Variants in ITGB4 observed in about 807,000 individuals in gnomAD.
The protein encoded by ITGB4 is integrin beta-4.
A neutral mutation model predicts 207.6 loss-of-function variants in ITGB4; 159 were observed. The observed-to-expected ratio is 0.77, with a 90% CI of 0.67 to 0.87. ITGB4 has a LOEUF of 0.87. Among genes scored for constraint, ITGB4 ranks in the 40% least tolerant of loss-of-function variants. The probability of loss-of-function intolerance (pLI) is 0.00; values close to 1 mark genes in which losing one functional copy is unlikely to be tolerated. For missense variants in ITGB4, 2,278 were observed against 2,546.8 expected (o/e 0.89, Z 2.27); for synonymous variants, 1,020 against 1,062.7 (o/e 0.96, Z 0.78).
At position 75,727,585 on chromosome 17, in the gene ITGB4, G is replaced by A. The variant is rs1444349892; in HGVS notation, c.265-66G>A. 30 of 1,583,014 alleles carry A rather than the reference G, an allele frequency of 1.9e-5. No homozygotes were observed. Among genetic ancestry groups the A allele is most frequent in the East Asian group, 9.2e-5 (4 of 43,598 alleles). ...TGGGGGTGTATAGTGCCCCTTGGCC[G>A]GGCTGGGCCCCCATCGGGCCTCCGG... On this transcript the variant is annotated intron_variant, in intron 4 of 39. Transcript: ENST00000200181. The surrounding 1 kb of genome is among the most constrained non-coding windows in gnomAD (Gnocchi z 6.0).
intron 34 of ITGB4, 100 bp downstream of exon 34, chr17:75,754,915 C>T: frequency 3.2e-6 from 5 of 1,571,194 alleles, no homozygotes; most frequent in Non-Finnish European, 4.4e-6. Context: ...CGCCCATTCT[C>T]CAACATACAC....
At position 75,730,969 on chromosome 17, in the gene ITGB4, G is replaced by A; in HGVS notation, c.1092+5G>A. The A allele has an allele frequency of 1.2e-6, 2 of 1,610,950 alleles. No homozygotes were observed. Among genetic ancestry groups the A allele is most frequent in the Admixed American group, 3.3e-5 (2 of 60,022 alleles). ...CTGCTGGAGGAGGCCTTCAATGTGAGGGCAGCTCAGGCTCCAGAGTCTGAG... is the reference window on the plus strand; with the variant it reads ...CTGCTGGAGGAGGCCTTCAATGTGAAGGCAGCTCAGGCTCCAGAGTCTGAG... On this transcript the variant is annotated splice_donor_5th_base_variant and intron_variant, in intron 9 of 39. Coordinates refer to ENST00000200181, the MANE Select transcript of ITGB4 (RefSeq NM_000213.5).
At position 75,757,646 on chromosome 17, in the gene ITGB4, T is replaced by A. The variant is rs767702998; in HGVS notation, c.*91T>A. ...CTCAGCTACTCCATCCTTGCACCCC[T>A]GGGGGCCCAGCCCACCCGCATGCAC... On this transcript the variant is annotated 3_prime_UTR_variant, in exon 40 of 40. Coordinates refer to ENST00000200181, the MANE Select transcript of ITGB4 (RefSeq NM_000213.5). The A allele has an allele frequency of 3.2e-6, 5 of 1,565,988 alleles. No individual in the cohort carries two copies. In the South Asian group the frequency reaches 5.6e-5, roughly 17 times the overall value.
At position 75,743,721 on chromosome 17, in the gene ITGB4, G is replaced by A. The variant is rs772928070; in HGVS notation, c.2971G>A (p.Val991Met). ...GCCCGGGCTCCTTGCAGCCAGAGAC[G>A]TGGTGTCCTTTGAGCAGCCTGAGTT... Reference protein sequence around the residue: ...ITIIKEQARDVVSFEQPEFSV... With the variant: ...ITIIKEQARDMVSFEQPEFSV... The change falls in exon 26 of 40, where the codon GTG (valine) becomes ATG (methionine). Residue 991 changes from valine to methionine, a missense_variant. Val to Met is a conservative substitution (Grantham distance 21). Coordinates refer to ENST00000200181, the MANE Select transcript of ITGB4 (RefSeq NM_000213.5). The A allele has an allele frequency of 3.5e-5, 56 of 1,613,442 alleles. No individual in the cohort carries two copies. Among genetic ancestry groups the A allele is most frequent in the East Asian group, 4.5e-5 (2 of 44,894 alleles).
At chr17:75,754,970 A>G in intron 34 of ITGB4, 155 bp downstream of exon 34, 5 of 1,325,242 alleles carry the variant, frequency 3.8e-6, no homozygotes, top group Non-Finnish European at 4.3e-6. Context: ...ACGCATGCAC[A>G]CATGTACACA....
Position 75,737,428 on chromosome 17 carries a change from G to T in ITGB4, c.2097G>T (p.Leu699=), listed in dbSNP as rs1183669727. The T allele has an allele frequency of 1.3e-6, 2 of 1,555,848 alleles. No individual in the cohort carries two copies. The highest frequency in any genetic ancestry group is 8.7e-7 in the Non-Finnish European group (1 of 1,149,624). Reference sequence around the variant, plus strand: ...CCCCTGGGCCCAACAGCACTGTCCTGGTGCACAAGAAGAAGGGTGAGCTGG... The same window carrying T: ...CCCCTGGGCCCAACAGCACTGTCCTTGTGCACAAGAAGAAGGGTGAGCTGG... ...DGAPGPNSTV[L]VHKKKDCPPG... The change falls in exon 17 of 40, where the codon CTG becomes CTT. Residue 699 remains leucine (L), a synonymous_variant. Coordinates refer to ENST00000200181, the MANE Select transcript of ITGB4 (RefSeq NM_000213.5).
At chr17:75,723,267 G>A (rs998475818) in intron 1 of ITGB4, among the ~76,000 whole-genome samples, 2 of 152,290 alleles carry the variant, frequency 1.3e-5, no homozygotes, top group African/African-American at 2.4e-5. Flanking sequence ...CTCCTGTGCT[G>A]AGCAATCTCC....
In ITGB4 at chr17:75,750,274, G is replaced by T. The variant is rs1017823802; in HGVS notation, c.3474+6G>T. The T allele has an allele frequency of 5.0e-6, 8 of 1,607,432 alleles. No individual in the cohort carries two copies. The highest frequency in any genetic ancestry group is 1.7e-6 in the Non-Finnish European group (2 of 1,175,682). The stretch of plus-strand genomic sequence containing the variant: ...GCAAGCCAATGGGGTACAGGGTAAG[G>T]CGGGGGGCTGAGGGTCACGACAGGT... On this transcript the variant is annotated splice_donor_region_variant and intron_variant, in intron 28 of 39. Transcript: ENST00000200181. This position sits in a 1 kb window ranked among gnomAD's most constrained non-coding sequence, Gnocchi z 5.5.
chr17:75,745,282 A>G (rs1316580235), intron 26 of ITGB4, among the ~76,000 whole-genome samples: 2 of 152,084 alleles, frequency 1.3e-5, no homozygotes, highest in Admixed American at 1.3e-4. Context: ...GGACCCAGCT[A>G]CTTGGAAGGC....
chr17:75,739,034 A>T lies in ITGB4; in HGVS notation c.2221-638A>T, dbSNP rs1406569027. On this transcript the variant is annotated intron_variant, in intron 18 of 39. Coordinates refer to ENST00000200181, the MANE Select transcript of ITGB4 (RefSeq NM_000213.5). This position sits in a 1 kb window ranked among gnomAD's most constrained non-coding sequence, Gnocchi z 5.4. ...TTAAATTTAAGTTACAGTGGCTCAC[A>T]CTTGTAACCCCAGCACTTTGGGAGG... is the stretch of plus-strand genomic sequence containing the variant. Among the ~76,000 whole-genome samples the T allele has an allele frequency of 6.6e-6, 1 of 151,978 alleles. No homozygotes were observed. The highest frequency in any genetic ancestry group is 1.9e-4 in the East Asian group (1 of 5,186).
intron 34 of ITGB4, 52 bp from the exon 35 acceptor site, chr17:75,755,649 A>C: frequency 1.2e-6 from 2 of 1,608,786 alleles, no homozygotes; most frequent in Non-Finnish European, 1.7e-6. Context: ...TGTGACTCCC[A>C]CTGAGACCCT....
chr17:75,738,984 A>G (rs972095107), intron 18 of ITGB4, among the ~76,000 whole-genome samples: 1 of 151,962 alleles, frequency 6.6e-6, no homozygotes, highest in Non-Finnish European at 1.5e-5. Flanking sequence ...AGAAAAAAAA[A>G]AAGAAGGTTT....
rs1168340791 is a variant in ITGB4 at position 75,730,247 on chromosome 17, A to G, written c.745A>G (p.Ile249Val). Residue 249 changes from isoleucine to valine, a missense_variant, in exon 8 of 40, where the codon ATT (isoleucine) becomes GTT (valine). Transcript: ENST00000200181. The part of the protein sequence containing the change: ...ILQTAVCTRD[I>V]GWRPDSTHLL... ...CCCGCCTTGCCTTCCCCAGAGGGAC[A>G]TTGGCTGGCGCCCGGACAGCACCCA... 6.2e-7 allele frequency: 1 copy of G among 1,612,884 alleles called. No homozygotes were observed. The highest frequency in any genetic ancestry group is 8.5e-7 in the Non-Finnish European group (1 of 1,179,884).
At chr17:75,753,648 G>A (rs995475644) in intron 32 of ITGB4, 117 bp from the exon 33 acceptor site, 30 of 632,290 alleles carry the variant, frequency 4.7e-5, no homozygotes, top group African/African-American at 3.8e-4. Context: ...CACACACCCC[G>A]GGATCCCGGG....
chr17:75,749,229 CT>C (rs950036281), intron 27 of ITGB4, among the ~76,000 whole-genome samples, 184 bp downstream of exon 27: 1 of 151,546 alleles, frequency 6.6e-6, no homozygotes, highest in South Asian at 2.1e-4. Flanking sequence ...CATACTTATC[CT>C]TTTTTTTGCA....
chr17:75,728,319 C>CGT (rs749454778), intron 5 of ITGB4, 58 bp from the exon 6 acceptor site: 62 of 1,463,418 alleles, frequency 4.2e-5, no homozygotes, highest in Non-Finnish European at 5.8e-5. Flanking sequence ...GTGGGGGGCC[C>CGT]GTGTTTATGC....
intron 6 of ITGB4, 72 bp downstream of exon 6, chr17:75,728,545 C>A: frequency 8.1e-7 from 1 of 1,232,864 alleles, no homozygotes; most frequent in Non-Finnish European, 1.2e-6. Context: ...CTTTCACCCA[C>A]AACTTAAAAT....
chr17:75,733,350 C>A, intron 12 of ITGB4, 140 bp from the exon 13 acceptor site: 1 of 597,852 alleles, frequency 1.7e-6, no homozygotes, highest in Non-Finnish European at 2.7e-6. Context: ...CGCGCCACTG[C>A]ACTCCAGCCT....
chr17:75,722,221 G>C lies in ITGB4; in HGVS notation c.-11+609G>C, dbSNP rs1421147157. Among the ~76,000 whole-genome samples the C allele has an allele frequency of 6.6e-6, 1 of 152,154 alleles. No homozygotes were observed. The highest frequency in any genetic ancestry group is 1.9e-4 in the East Asian group (1 of 5,182). ...CGCCTTCCTTCAGGAAGCTCTACAG[G>C]CCTCACCCACCAGCCCCAGGGCTGT... On this transcript the variant is annotated intron_variant, in intron 1 of 39. Transcript: ENST00000200181. This position sits in a 1 kb window ranked among gnomAD's most constrained non-coding sequence, Gnocchi z 6.2.
Sources: allele counts gnomAD v4.1 joint callset (sites outside exome capture counted in the v4.1 genomes callset), GRCh38; gene constraint gnomAD v4.1.1; non-coding constraint Gnocchi (gnomAD v3.1); transcripts MANE v1.5; gene names NCBI Gene and HGNC (gene_info 2026-07-23, HGNC 2026-07-21).